BBS12: variants seen among roughly 807,000 people sequenced by gnomAD.
BBS12 encodes the protein chaperonin-containing T-complex member BBS12.
BBS12 carries 5 observed loss-of-function variants against 5.6 expected under a neutral mutation model. That is an observed-to-expected ratio of 0.89 (90% CI 0.46 to 1.86). The LOEUF is 1.86. Ranked by LOEUF, BBS12 falls within the 40% of genes most tolerant of loss-of-function variation. The pLI is 0.01. For synonymous variants in BBS12, 308 were observed against 306.8 expected (o/e 1.00, Z -0.04); for missense variants, 748 against 830.4 (o/e 0.90, Z 1.22).
At chr4:122,704,099 CTCAG>C in the BBS12 span, among the ~76,000 whole-genome samples, 1 of 152,186 alleles carries the variant, frequency 6.6e-6, no homozygotes, top group Non-Finnish European at 1.5e-5. Flanking sequence ...ATGCTCCTGC[CTCAG>C]CATACCAAAG....
At chr4:122,719,754 A>G in the BBS12 span, among the ~76,000 whole-genome samples, 2 of 152,368 alleles carry the variant, frequency 1.3e-5, no homozygotes, top group South Asian at 2.1e-4. Flanking sequence ...CAGTTGTGCA[A>G]TGCTGCAAAG....
the BBS12 span, among the ~76,000 whole-genome samples, chr4:122,724,747 G>A: frequency 6.6e-6 from 1 of 152,072 alleles, no homozygotes; most frequent in Non-Finnish European, 1.5e-5. Context: ...TTCTGTCCTG[G>A]TCTTTGATTT....
At chr4:122,722,291 G>T in the BBS12 span, among the ~76,000 whole-genome samples, 1 of 152,108 alleles carries the variant, frequency 6.6e-6, no homozygotes, top group African/African-American at 2.4e-5. Flanking sequence ...GTCTATCCTA[G>T]TCCATACCAC....
chr4:122,700,669 A>C, the BBS12 span, among the ~76,000 whole-genome samples: 1 of 152,204 alleles, frequency 6.6e-6, no homozygotes. Flanking sequence ...ACTGCTTCAC[A>C]GTTGAGGATG....
rs779685329 is a variant in BBS12, at chr4:122,743,884, CGTT to C, written c.1996_1998del (p.Val666del). 5.0e-6 allele frequency: 8 copies of C among 1,603,826 alleles called. No homozygotes were observed. The highest frequency in any genetic ancestry group is 2.7e-5 in the African/African-American group (2 of 74,364). ...TGGAGCAGATTCCGAGAGTTTATGA[CGTT>C]GTTACACCAAAGATTGAGGCGTGGC... On this transcript the variant is annotated inframe_deletion, in exon 2 of 2. Coordinates refer to ENST00000314218, the MANE Select transcript of BBS12 (RefSeq NM_152618.3).
intron 1 of BBS12, among the ~76,000 whole-genome samples, chr4:122,739,615 G>T (rs531721799): frequency 3.3e-5 from 5 of 152,242 alleles, no homozygotes; most frequent in Non-Finnish European, 7.3e-5. Context: ...ACAAACCTTT[G>T]TGTGGCCAAG....
At chr4:122,712,042 A>G in the BBS12 span, among the ~76,000 whole-genome samples, 1 of 152,224 alleles carries the variant, frequency 6.6e-6, no homozygotes, top group Non-Finnish European at 1.5e-5. Flanking sequence ...CTCCAGGTTC[A>G]CCAGTCTTTG....
chr4:122,702,122 G>T, the BBS12 span, among the ~76,000 whole-genome samples: 1 of 152,184 alleles, frequency 6.6e-6, no homozygotes, highest in Non-Finnish European at 1.5e-5. Context: ...CTGTCACCCA[G>T]GCTAGAGTGC....
chr4:122,739,485 C>T (rs1192809011), intron 1 of BBS12, among the ~76,000 whole-genome samples: 5 of 152,200 alleles, frequency 3.3e-5, no homozygotes, highest in African/African-American at 1.2e-4. Flanking sequence ...CCTTTTCACC[C>T]AAATCATGAA....
chr4:122,722,699 A>G, the BBS12 span, among the ~76,000 whole-genome samples: 1 of 152,166 alleles, frequency 6.6e-6, no homozygotes, highest in Non-Finnish European at 1.5e-5. Flanking sequence ...TAAAAATACA[A>G]TTGTGTCGAT....
upstream of BBS12, chr4:122,728,515 G>C (rs780917702): frequency 4.6e-5 from 7 of 152,178 alleles, no homozygotes; most frequent in Non-Finnish European, 8.8e-5. Flanking sequence ...TCTTTAGGAA[G>C]AACTGGGGCT....
At chr4:122,725,651 C>T in the BBS12 span, among the ~76,000 whole-genome samples, 1 of 152,086 alleles carries the variant, frequency 6.6e-6, no homozygotes, top group Non-Finnish European at 1.5e-5. Flanking sequence ...GTAATCCTAG[C>T]ACTTTGGGAG....
At chr4:122,714,744 A>T in the BBS12 span, among the ~76,000 whole-genome samples, 1 of 152,326 alleles carries the variant, frequency 6.6e-6, no homozygotes, top group African/African-American at 2.4e-5. Flanking sequence ...ACAGGTACTC[A>T]TATAAATAAA....
At position 122,743,133 on chromosome 4, in the gene BBS12, T is replaced by A. The variant is rs1319409649; in HGVS notation, c.1241T>A (p.Val414Glu). The stretch of plus-strand genomic sequence containing the variant: ...CAGTTCAAGGTGAACCTTGTCCTGG[T>A]ACAAGGAAATGTGTCCGAACGCTTA... Reference protein sequence around the residue: ...LIQFKVNLVLVQGNVSERLIE... With the variant: ...LIQFKVNLVLEQGNVSERLIE... Residue 414 changes from valine to glutamate, a missense_variant, in exon 2 of 2, where the codon GTA (valine) becomes GAA (glutamate). Physicochemically the swap from Val to Glu is moderately radical, Grantham distance 121. Coordinates refer to ENST00000314218, the MANE Select transcript of BBS12 (RefSeq NM_152618.3). The A allele has an allele frequency of 1.2e-6, 2 of 1,614,226 alleles. No individual in the cohort carries two copies. Among genetic ancestry groups the A allele is most frequent in the South Asian group, 2.2e-5 (2 of 91,088 alleles).
chr4:122,736,974 A>T (rs892468026), intron 1 of BBS12, among the ~76,000 whole-genome samples: 1 of 152,182 alleles, frequency 6.6e-6, no homozygotes. Context: ...ATTGATTTTG[A>T]TATCAGTTTT....
In BBS12 at chr4:122,742,798, C is replaced by CAACT; in HGVS notation, c.907_910dup (p.Cys304Ter). 1 of 1,614,200 alleles carries CAACT rather than the reference C, an allele frequency of 6.2e-7. No homozygotes were observed. The highest frequency in any genetic ancestry group is 8.5e-7 in the Non-Finnish European group (1 of 1,180,038). On this transcript the variant is annotated frameshift_variant, in exon 2 of 2. Transcript: ENST00000314218. LOFTEE classifies it low-confidence loss of function (END_TRUNC). ...ATCAGAATGCTTGTGTGCAACAAGG[C>CAACT]AACTGTACAAAACCATTTATGTTTG...
upstream of BBS12, chr4:122,730,586 T>G (rs2150730039): frequency 6.6e-6 from 1 of 152,396 alleles, no homozygotes; most frequent in Admixed American, 6.5e-5. Flanking sequence ...CAAAACATCT[T>G]CCTCGTTTAT....
At chr4:122,720,077 C>G in the BBS12 span, among the ~76,000 whole-genome samples, 1 of 152,130 alleles carries the variant, frequency 6.6e-6, no homozygotes, top group Non-Finnish European at 1.5e-5. Context: ...TAACTAAAAG[C>G]TACACTTTTA....
intron 1 of BBS12, among the ~76,000 whole-genome samples, chr4:122,737,617 A>G (rs1251636155): frequency 6.6e-6 from 1 of 152,222 alleles, no homozygotes; most frequent in Non-Finnish European, 1.5e-5. Flanking sequence ...CCTTTCAACA[A>G]ATTATTCTGG....
Sources: allele counts gnomAD v4.1 joint callset (sites outside exome capture counted in the v4.1 genomes callset), GRCh38; gene constraint gnomAD v4.1.1; transcripts MANE v1.5; gene names NCBI Gene and HGNC (gene_info 2026-07-23, HGNC 2026-07-21).